PLEKHA7: variants seen among roughly 807,000 people sequenced by gnomAD.
PLEKHA7 encodes the protein pleckstrin homology domain-containing family A member 7.
PLEKHA7 carries 104 observed loss-of-function variants against 170.0 expected under a neutral mutation model. That is an observed-to-expected ratio of 0.61 (90% confidence interval 0.52 to 0.72). PLEKHA7 has a LOEUF of 0.72. Among genes scored for constraint, PLEKHA7 ranks in the 30% least tolerant of loss-of-function variants. PLEKHA7 has a pLI of 0.00. For missense variants in PLEKHA7, 1,615 were observed against 1,671.7 expected, an observed-to-expected ratio of 0.97 and a Z score of 0.59; for synonymous variants, 648 against 660.8, an observed-to-expected ratio of 0.98 and a Z score of 0.30.
chr11:16,847,536 A>G (rs406890), intron 8 of PLEKHA7, among the ~76,000 whole-genome samples: 15,975 of 152,114 alleles, frequency 0.11, 910 homozygotes, highest in East Asian at 0.16. Context: ...GTGAATCACA[A>G]TTGGCTTAAT....
chr11:17,012,779 CAAGA>C (rs1865394039), intron 3 of PLEKHA7, among the ~76,000 whole-genome samples: 1 of 152,156 alleles, frequency 6.6e-6, no homozygotes, highest in Non-Finnish European at 1.5e-5. Flanking sequence ...CCACTGACAG[CAAGA>C]CTCTGATGGC....
intron 4 of PLEKHA7, among the ~76,000 whole-genome samples, chr11:16,863,328 T>C (rs1854124280): frequency 6.6e-6 from 1 of 152,102 alleles, no homozygotes; most frequent in Non-Finnish European, 1.5e-5. Flanking sequence ...GTGTTTCTTT[T>C]CCAAATAATC....
intron 3 of PLEKHA7, among the ~76,000 whole-genome samples, chr11:16,914,101 A>C (rs756734958): frequency 4.6e-5 from 7 of 152,208 alleles, no homozygotes; most frequent in Admixed American, 2.6e-4. Flanking sequence ...ATATGTAATG[A>C]TCTGGGAAAT....
intron 3 of PLEKHA7, among the ~76,000 whole-genome samples, chr11:16,884,651 G>T (rs201327781): frequency 1.1e-5 from 1 of 90,762 alleles, no homozygotes; most frequent in East Asian, 3.0e-4. Flanking sequence ...GAAAAGAAAA[G>T]AAAAGAAAAA....
chr11:16,829,502 C>G (rs1850934223), intron 9 of PLEKHA7, among the ~76,000 whole-genome samples: 1 of 152,170 alleles, frequency 6.6e-6, no homozygotes, highest in South Asian at 2.1e-4. Flanking sequence ...GGAGCCCATA[C>G]TTACAGAAAA....
chr11:16,812,301 T>A (rs1849423622), intron 13 of PLEKHA7: 1 of 152,172 alleles, frequency 6.6e-6, no homozygotes, highest in South Asian at 2.1e-4. Context: ...TGGATGAAGA[T>A]CCCCAAGTTA....
At chr11:16,827,160 A>T (rs772753138) in intron 9 of PLEKHA7, among the ~76,000 whole-genome samples, 2 of 152,210 alleles carry the variant, frequency 1.3e-5, no homozygotes, top group African/African-American at 2.4e-5. Flanking sequence ...ACTGGTGTCT[A>T]ACACAGCCCA....
chr11:16,805,776 C>T (rs1364922620), intron 13 of PLEKHA7, among the ~76,000 whole-genome samples: 3 of 134,168 alleles, frequency 2.2e-5, no homozygotes, highest in Non-Finnish European at 4.6e-5. Context: ...GGTGACAGAG[C>T]GAGACTCCAT....
rs1861386843 is a variant in PLEKHA7 at position 16,951,240 on chromosome 11, C to T, written c.221+62749G>A. Among the ~76,000 whole-genome samples, 4 of 151,896 alleles carry T rather than the reference C, an allele frequency of 2.6e-5. No homozygotes were observed. The South Asian group carries it at 8.3e-4, about 32-fold the overall frequency. ...GGTATAGGAACCCAGGCAGTTTCACCTTGCCCTTCAGCCTCCTCCATGCAG... is the reference window on the plus strand; with the variant it reads ...GGTATAGGAACCCAGGCAGTTTCACTTTGCCCTTCAGCCTCCTCCATGCAG... On this transcript the variant is annotated intron_variant, in intron 3 of 26. Coordinates refer to ENST00000531066, the MANE Select transcript of PLEKHA7 (RefSeq NM_001329630.2).
chr11:16,946,832 C>CGGCCACCA (rs1320352380), intron 3 of PLEKHA7, among the ~76,000 whole-genome samples: 47 of 152,234 alleles, frequency 3.1e-4, no homozygotes, highest in African/African-American at 1.0e-3. Context: ...AACACTCCCT[C>CGGCCACCA]GGCCACCATT....
chr11:16,800,927 AAAACAAAAAACAAG>A, intron 17 of PLEKHA7, 33 bp downstream of exon 17: 1 of 1,550,636 alleles, frequency 6.4e-7, no homozygotes. Context: ...CAAAAAACAA[AAAACAAAAAACAAG>A]AGCTCAGAAG....
intron 3 of PLEKHA7, among the ~76,000 whole-genome samples, chr11:16,995,398 G>A (rs543477623): frequency 8.5e-4 from 129 of 152,170 alleles, no homozygotes; most frequent in African/African-American, 2.9e-3. Flanking sequence ...AATGAGTGCC[G>A]GTCCCCTGCC....
At chr11:16,928,878 C>T (rs960898590) in intron 3 of PLEKHA7, among the ~76,000 whole-genome samples, 2 of 151,584 alleles carry the variant, frequency 1.3e-5, no homozygotes, top group Non-Finnish European at 2.9e-5. Flanking sequence ...AATTTTAGAA[C>T]CTAATCATTG....
intron 3 of PLEKHA7, among the ~76,000 whole-genome samples, chr11:16,911,167 G>C (rs548128101): frequency 6.6e-6 from 1 of 152,334 alleles, no homozygotes; most frequent in Non-Finnish European, 1.5e-5. Flanking sequence ...ATCAAAATGT[G>C]TGTATCTTTT....
intron 8 of PLEKHA7, among the ~76,000 whole-genome samples, chr11:16,849,697 G>A (rs1363257266): frequency 6.6e-6 from 1 of 152,100 alleles, no homozygotes; most frequent in African/African-American, 2.4e-5. Flanking sequence ...TGTGACTTTG[G>A]GCAAGTTTCT....
intron 3 of PLEKHA7, among the ~76,000 whole-genome samples, chr11:16,939,292 T>C (rs1860518959): frequency 6.6e-6 from 1 of 152,114 alleles, no homozygotes. Flanking sequence ...TGCACGCCTA[T>C]AACCCCAGCT....
intron 3 of PLEKHA7, among the ~76,000 whole-genome samples, chr11:16,937,177 G>A (rs1188977353): frequency 1.3e-5 from 2 of 152,246 alleles, no homozygotes; most frequent in Admixed American, 1.3e-4. Flanking sequence ...CAGTTTGCAC[G>A]CTTGAAAGGG....
intron 3 of PLEKHA7, among the ~76,000 whole-genome samples, chr11:16,903,910 C>G (rs1857495417): frequency 6.6e-6 from 1 of 152,216 alleles, no homozygotes; most frequent in Non-Finnish European, 1.5e-5. Flanking sequence ...GCCATGTTCT[C>G]TTCCTTCAGA....
At chr11:16,782,665 C>CA (rs1849123051) in intron 26 of PLEKHA7, 89 bp downstream of exon 26, 1 of 1,470,814 alleles carries the variant, frequency 6.8e-7, no homozygotes, top group African/African-American at 1.4e-5. Context: ...CCTGGTTTTC[C>CA]ACTGGCTCTG....
Sources: gnomAD v4.1 joint callset for allele counts (sites outside exome capture counted in the v4.1 genomes callset) on GRCh38, gnomAD v4.1.1 for gene constraint, MANE v1.5 for transcripts, NCBI Gene and HGNC (gene_info 2026-07-23, HGNC 2026-07-21) for gene names.